GTF2A1: variants seen among roughly 807,000 people sequenced by gnomAD.
The protein encoded by GTF2A1 is general transcription factor IIA subunit 1.
Under a neutral mutation model 54.1 loss-of-function variants are expected in GTF2A1, and 12 were observed. That is an observed-to-expected ratio of 0.22 (90% CI 0.14 to 0.36). GTF2A1 has a LOEUF of 0.36. GTF2A1 is among the 10% of genes least tolerant of loss of function. The probability of loss-of-function intolerance (pLI) is 1.00; values close to 1 mark genes in which losing one functional copy is unlikely to be tolerated. For synonymous variants in GTF2A1, 145 were observed against 152.0 expected (o/e 0.95, Z 0.34); for missense variants, 335 against 442.2 (o/e 0.76, Z 2.17).
chr14:81,213,063 G>A (rs1191586867), intron 2 of GTF2A1, among the ~76,000 whole-genome samples: 1 of 152,108 alleles, frequency 6.6e-6, no homozygotes, highest in East Asian at 1.9e-4. Context: ...GAAGAGTATG[G>A]CCCATTTAAA....
rs1423988225 is a variant in GTF2A1 at position 81,176,646 on chromosome 14, AAT to A, written c.*3575_*3576del. ...AACTTCGTAATAATTTTCATAGCAT[AAT>A]AGAGGACTAAAATGCAAAGCTATTT... On this transcript the variant is annotated 3_prime_UTR_variant, in exon 9 of 9. Transcript: ENST00000553612. The A allele has an allele frequency of 1.3e-5, 2 of 152,180 alleles. No individual in the cohort carries two copies. The highest frequency in any genetic ancestry group is 2.9e-5 in the Non-Finnish European group (2 of 67,978). The allele number at this position is 152,180 out of a possible 1,614,324, so 9.4% of individuals were successfully genotyped here. A position where few individuals can be genotyped will look rare whatever the true frequency, so the allele number is the denominator to read the frequency against.
chr14:81,184,972 G>A (rs1892711814), intron 8 of GTF2A1, among the ~76,000 whole-genome samples: 1 of 152,116 alleles, frequency 6.6e-6, no homozygotes, highest in South Asian at 2.1e-4. Context: ...TAGGAATTAA[G>A]AAAATAAGGA....
chr14:81,203,777 T>C (rs1893165703), intron 3 of GTF2A1, 123 bp downstream of exon 3: 1 of 768,052 alleles, frequency 1.3e-6, no homozygotes, highest in Non-Finnish European at 2.2e-6. Context: ...GGTTTTTGTT[T>C]ATTTTTAGGT....
rs1422153946 is a variant in GTF2A1 at position 81,203,893 on chromosome 14, G to C, written c.337+7C>G. 1.9e-6 allele frequency: 3 copies of C among 1,606,152 alleles called. No individual in the cohort carries two copies. The highest frequency in any genetic ancestry group is 2.6e-6 in the Non-Finnish European group (3 of 1,172,858). Reference sequence around the variant, plus strand: ...AGTCATAAGTAGGAAAACAAGTCCAGTCTCACCTTGCTGTGATGCAGGAAT... The same window carrying C: ...AGTCATAAGTAGGAAAACAAGTCCACTCTCACCTTGCTGTGATGCAGGAAT... On this transcript the variant is annotated splice_region_variant and intron_variant, in intron 3 of 8. Transcript: ENST00000553612.
chr14:81,191,898 G>A (rs1448910641), intron 7 of GTF2A1, among the ~76,000 whole-genome samples: 1 of 152,130 alleles, frequency 6.6e-6, no homozygotes, highest in African/African-American at 2.4e-5. Flanking sequence ...CAAAAAGACT[G>A]CATTTTAGGC....
At chr14:81,204,593 C>T (rs1489771507) in intron 2 of GTF2A1, among the ~76,000 whole-genome samples, 1 of 152,068 alleles carries the variant, frequency 6.6e-6, no homozygotes, top group Admixed American at 6.5e-5. Context: ...TAGATGCAAT[C>T]CCCCAAAGAA....
At position 81,195,156 on chromosome 14, in the gene GTF2A1, A is replaced by G. The variant is rs1892965453; in HGVS notation, c.612+952T>C. 2.7e-5 allele frequency among the ~76,000 whole-genome samples: 4 copies of G among 149,282 alleles called. No individual in the cohort carries two copies. The South Asian group carries it at 8.4e-4, about 31-fold the overall frequency. On this transcript the variant is annotated intron_variant, in intron 6 of 8. Coordinates refer to ENST00000553612, the MANE Select transcript of GTF2A1 (RefSeq NM_015859.4). ...GTCTCAAAAAAAAAAAAAAAAAAAG[A>G]TGACTATAAATCAGCCAGGTTAGGA...
chr14:81,218,050 C>T (rs1283172941), intron 1 of GTF2A1, among the ~76,000 whole-genome samples: 5 of 151,216 alleles, frequency 3.3e-5, no homozygotes, highest in African/African-American at 9.7e-5. Flanking sequence ...CATCATCTTG[C>T]CTAAAGTGAC....
rs781681151 is a variant in GTF2A1, at chr14:81,192,739, G to C, written c.713C>G (p.Thr238Arg). ...FTGNKTQVIP[T>R]TVAAPTPAQA... ...GGCTGGTGTAGGTGCTGCCACTGTC[G>C]TAGGTATAACTTGAGTCTTATTTCC... Residue 238 changes from threonine (T) to arginine (R), a missense_variant, in exon 7 of 9, where the codon ACG becomes AGG. By Grantham distance (71) the Thr-to-Arg change is moderately conservative. Transcript: ENST00000553612. The C allele has an allele frequency of 1.2e-6, 2 of 1,613,292 alleles. No individual in the cohort carries two copies. The highest frequency in any genetic ancestry group is 1.7e-6 in the Non-Finnish European group (2 of 1,179,214).
intron 4 of GTF2A1, among the ~76,000 whole-genome samples, chr14:81,201,286 A>T (rs961695094): frequency 1.3e-5 from 2 of 152,212 alleles, no homozygotes; most frequent in African/African-American, 2.4e-5. Context: ...AGGTCTCCTG[A>T]AACAGAACCA....
At chr14:81,180,427 A>ACACGTACACACACAC (rs1892616145) in intron 8 of GTF2A1, 97 bp from the exon 9 acceptor site, 9 of 630,094 alleles carry the variant, frequency 1.4e-5, no homozygotes, top group South Asian at 1.1e-4. Flanking sequence ...GTACACACAC[A>ACACGTACACACACAC]CCCCCCCACA....
chr14:81,180,056 A>C lies in GTF2A1; in HGVS notation c.*167T>G, dbSNP rs1892607515. 1 of 196,078 alleles carries C rather than the reference A, an allele frequency of 5.1e-6. No individual in the cohort carries two copies. Among genetic ancestry groups the C allele is most frequent in the Admixed American group, 6.2e-5 (1 of 16,024 alleles). 12.1% of individuals were successfully genotyped at this position (196,078 alleles called of 1,614,324 possible). A position where few individuals can be genotyped will look rare whatever the true frequency, so the allele number is the denominator to read the frequency against. On this transcript the variant is annotated 3_prime_UTR_variant, in exon 9 of 9. Transcript: ENST00000553612. ...ACAGTTCCATGGCTTGCCAGTAAGT[A>C]GTGTCTATGTTGTCAAGGTCTATCT...
At chr14:81,220,345 C>T (rs1893599605) in intron 1 of GTF2A1, 144 bp downstream of exon 1, 2 of 284,536 alleles carry the variant, frequency 7.0e-6, no homozygotes, top group African/African-American at 2.3e-5. Context: ...CCGATCCGCC[C>T]GAGGCGGGAA....
intron 7 of GTF2A1, among the ~76,000 whole-genome samples, chr14:81,190,969 A>G (rs1377701225): frequency 6.6e-6 from 1 of 152,210 alleles, no homozygotes; most frequent in Non-Finnish European, 1.5e-5. Context: ...AAACTGGAAA[A>G]GGTAATAAAA....
Position 81,220,735 on chromosome 14 carries a change from C to CA in GTF2A1, c.-218_-217insT. The CA allele has an allele frequency of 3.6e-6, 1 of 275,424 alleles. No homozygotes were observed. Among genetic ancestry groups the CA allele is most frequent in the Non-Finnish European group, 6.7e-6 (1 of 149,578 alleles). The allele number at this position is 275,424 out of a possible 1,614,324, so 17.1% of individuals were successfully genotyped here. A position where few individuals can be genotyped will look rare whatever the true frequency, so the allele number is the denominator to read the frequency against. ...CGCAGCTGAAAACCTCGAGAATCGC[C>CA]TTAAAAAAAAAAAAAAAGCCACGAC... On this transcript the variant is annotated 5_prime_UTR_variant, in exon 1 of 9. In the 5' UTR this introduces an upstream ATG that the reference lacks. Coordinates refer to ENST00000553612, the MANE Select transcript of GTF2A1 (RefSeq NM_015859.4).
intron 2 of GTF2A1, among the ~76,000 whole-genome samples, chr14:81,212,988 G>A (rs902148845): frequency 6.6e-6 from 1 of 152,166 alleles, no homozygotes; most frequent in Non-Finnish European, 1.5e-5. Flanking sequence ...TCAGTGCAGA[G>A]AATTAAAATA....
Position 81,177,456 on chromosome 14 carries a change from G to A in GTF2A1, c.*2767C>T, listed in dbSNP as rs4899786. The A allele has an allele frequency of 3.3e-5, 5 of 152,046 alleles. No individual in the cohort carries two copies. Among genetic ancestry groups the A allele is most frequent in the Non-Finnish European group, 7.4e-5 (5 of 67,890 alleles). 9.4% of individuals were successfully genotyped at this position (152,046 alleles called of 1,614,324 possible). A position where few individuals can be genotyped will look rare whatever the true frequency, so the allele number is the denominator to read the frequency against. On this transcript the variant is annotated 3_prime_UTR_variant, in exon 9 of 9. Transcript: ENST00000553612. Reference sequence around the variant, plus strand: ...GTCTGATTACCCAAATGGCCACCAAGCAAGAGTTTGTATACTGAAAGGCAC... The same window carrying A: ...GTCTGATTACCCAAATGGCCACCAAACAAGAGTTTGTATACTGAAAGGCAC...
chr14:81,211,875 T>TCATATATATA lies in GTF2A1; in HGVS notation c.132+4537_132+4538insTATATATATG, dbSNP rs1419902730. 2.1e-3 allele frequency among the ~76,000 whole-genome samples: 142 copies of TCATATATATA among 68,486 alleles called. 5 individuals carry two copies. Among genetic ancestry groups the TCATATATATA allele is most frequent in the African/African-American group, 6.7e-3 (133 of 19,824 alleles). 44.9% of individuals were successfully genotyped at this position (68,486 alleles called of 152,430 possible). A position where few individuals can be genotyped will look rare whatever the true frequency, so the allele number is the denominator to read the frequency against. On this transcript the variant is annotated intron_variant, in intron 2 of 8. Transcript: ENST00000553612. ...ACATAATTAGAGTGTATCAAGTACT[T>TCATATATATA]TATATATATATATATATATATATAT...
At chr14:81,211,880 T>TATAC (rs1261433743) in intron 2 of GTF2A1, among the ~76,000 whole-genome samples, 1 of 42,102 alleles carries the variant, frequency 2.4e-5, no homozygotes, top group Non-Finnish European at 8.2e-5. Context: ...GTACTTTATA[T>TATAC]ATATATATAT....
Sources: gnomAD v4.1 joint callset for allele counts (sites outside exome capture counted in the v4.1 genomes callset) on GRCh38, gnomAD v4.1.1 for gene constraint, MANE v1.5 for transcripts, NCBI Gene and HGNC (gene_info 2026-07-23, HGNC 2026-07-21) for gene names.